Variants in CDKAL1 observed in about 807,000 individuals in gnomAD.
The protein encoded by CDKAL1 is CDKAL1 threonylcarbamoyladenosine tRNA methylthiotransferase.
Under a neutral mutation model 68.2 loss-of-function variants are expected in CDKAL1, and 32 were observed. The observed-to-expected ratio is 0.47, with a 90% confidence interval of 0.35 to 0.63. CDKAL1 has a LOEUF of 0.63. CDKAL1 is among the 30% of genes least tolerant of loss of function. The pLI is 0.00. For synonymous variants in CDKAL1, 234 were observed against 244.3 expected (o/e 0.96, Z 0.39); for missense variants, 606 against 696.7 (o/e 0.87, Z 1.47).
At chr6:21,106,487 G>T (rs762559071) in intron 12 of CDKAL1, among the ~76,000 whole-genome samples, 15 of 152,194 alleles carry the variant, frequency 9.9e-5, no homozygotes, top group Non-Finnish European at 1.6e-4. Context: ...GAGGCAAAAG[G>T]ATCACTTGGG....
intron 5 of CDKAL1, among the ~76,000 whole-genome samples, chr6:20,716,384 G>T (rs1372120512): frequency 6.6e-6 from 1 of 152,064 alleles, no homozygotes; most frequent in Non-Finnish European, 1.5e-5. Context: ...GTGAAGAGCT[G>T]GGGAATGAGA....
intron 9 of CDKAL1, among the ~76,000 whole-genome samples, chr6:20,884,493 G>A (rs1015888646): frequency 6.6e-6 from 1 of 152,102 alleles, no homozygotes; most frequent in African/African-American, 2.4e-5. Context: ...CGTTGTACTC[G>A]AATTCCCAAT....
intron 3 of CDKAL1, among the ~76,000 whole-genome samples, chr6:20,547,484 G>A (rs997934748): frequency 7.2e-5 from 11 of 152,080 alleles, no homozygotes; most frequent in Non-Finnish European, 1.3e-4. Flanking sequence ...CCCTATTTAC[G>A]CTATTATAGT....
chr6:20,930,784 G>A (rs1763408047), intron 9 of CDKAL1, among the ~76,000 whole-genome samples: 1 of 146,486 alleles, frequency 6.8e-6, no homozygotes, highest in Non-Finnish European at 1.5e-5. Flanking sequence ...TCGCTCTGTT[G>A]CCCAGGCTGG....
At chr6:21,190,849 T>C (rs1562103720) in intron 13 of CDKAL1, among the ~76,000 whole-genome samples, 1 of 152,196 alleles carries the variant, frequency 6.6e-6, no homozygotes, top group Admixed American at 6.5e-5. Flanking sequence ...TCTATTTAAA[T>C]AGTAATATTG....
chr6:20,841,627 A>C (rs547864353), intron 8 of CDKAL1, among the ~76,000 whole-genome samples: 1 of 152,332 alleles, frequency 6.6e-6, no homozygotes, highest in Non-Finnish European at 1.5e-5. Context: ...TTCAGGGTTG[A>C]ACTGGGCGTG....
chr6:21,205,668 C>T lies in CDKAL1; in HGVS notation c.1548+4394C>T, dbSNP rs535440903. Among the ~76,000 whole-genome samples, 51 of 150,124 alleles carry T rather than the reference C, an allele frequency of 3.4e-4. 1 individual carries two copies. Among genetic ancestry groups the T allele is most frequent in the African/African-American group, 1.2e-3 (47 of 40,616 alleles). On this transcript the variant is annotated intron_variant, in intron 15 of 15. Transcript: ENST00000274695. The stretch of plus-strand genomic sequence containing the variant: ...GCCGCAGCCTCCCGAGTAGCTGGGA[C>T]CACAGGAACCCGCCACCACGCCCAG...
chr6:20,999,010 G>A lies in CDKAL1; in HGVS notation c.910-1217G>A, dbSNP rs1049244385. On this transcript the variant is annotated intron_variant, in intron 10 of 15. Transcript: ENST00000274695. ...GCATGACTAACTCTTGAAGAGCTGAGAGGTAACTGGACGGAATTAGCTGGC... is the reference window on the plus strand; with the variant it reads ...GCATGACTAACTCTTGAAGAGCTGAAAGGTAACTGGACGGAATTAGCTGGC... Among the ~76,000 whole-genome samples, 3 of 152,192 alleles carry A rather than the reference G, an allele frequency of 2.0e-5. No homozygotes were observed. In the East Asian group the frequency reaches 5.8e-4, roughly 29 times the overall value.
chr6:20,910,085 T>G (rs1762400070), intron 9 of CDKAL1, among the ~76,000 whole-genome samples: 1 of 152,230 alleles, frequency 6.6e-6, no homozygotes, highest in South Asian at 2.1e-4. Flanking sequence ...ATTCTTCCTT[T>G]TACTTCTTAT....
intron 9 of CDKAL1, among the ~76,000 whole-genome samples, chr6:20,945,500 G>A (rs1203218217): frequency 6.6e-6 from 1 of 152,070 alleles, no homozygotes; most frequent in Admixed American, 6.6e-5. Flanking sequence ...TTGAGGGTGA[G>A]CCTATTTTTC....
Position 20,748,995 on chromosome 6 carries a change from G to GTATATATATA in CDKAL1, c.468+9381_468+9382insATATATATAT, listed in dbSNP as rs1352605288. On this transcript the variant is annotated intron_variant, in intron 6 of 15. Transcript: ENST00000274695. ...TGTATGTGTATATATATGTATGTGT[G>GTATATATATA]TGTATATATATATATAAAATGTATT... Among the ~76,000 whole-genome samples the GTATATATATA allele has an allele frequency of 3.1e-3, 434 of 138,124 alleles. 2 individuals are homozygous for GTATATATATA. The highest frequency in any genetic ancestry group is 0.011 in the African/African-American group (394 of 36,224). The allele number at this position is 138,124 out of a possible 152,430, so 90.6% of individuals were successfully genotyped here. A position where few individuals can be genotyped will look rare whatever the true frequency, so the allele number is the denominator to read the frequency against.
intron 4 of CDKAL1, among the ~76,000 whole-genome samples, chr6:20,570,557 C>A (rs1052291307): frequency 1.3e-5 from 2 of 152,210 alleles, no homozygotes; most frequent in African/African-American, 4.8e-5. Flanking sequence ...TCTGCCACCA[C>A]TGCCAGCTAA....
At chr6:21,213,455 T>G (rs899945322) in intron 15 of CDKAL1, among the ~76,000 whole-genome samples, 5 of 152,316 alleles carry the variant, frequency 3.3e-5, no homozygotes, top group Non-Finnish European at 7.3e-5. Context: ...TGGTCATTGG[T>G]CTTTTTAAAC....
intron 4 of CDKAL1, among the ~76,000 whole-genome samples, chr6:20,613,249 C>CTTGTTTTTTTTT (rs1766718229): frequency 1.3e-5 from 1 of 77,862 alleles, no homozygotes; most frequent in Non-Finnish European, 2.4e-5. Context: ...AAATTTCTTT[C>CTTGTTTTTTTTT]TTTTTTTTTT....
At chr6:21,020,536 T>C (rs201290) in intron 11 of CDKAL1, among the ~76,000 whole-genome samples, 16,278 of 152,116 alleles carry the variant, frequency 0.11, 976 homozygotes, top group Middle Eastern at 0.16. Flanking sequence ...GGCACTATCT[T>C]GGCTCACCAC....
chr6:21,154,514 T>C (rs973580415), intron 13 of CDKAL1, among the ~76,000 whole-genome samples: 7 of 152,224 alleles, frequency 4.6e-5, no homozygotes, highest in Admixed American at 4.6e-4. Flanking sequence ...CTTATACTTT[T>C]GCTCCTTGAG....
chr6:20,810,225 A>G (rs555952857), intron 8 of CDKAL1, among the ~76,000 whole-genome samples: 26 of 152,172 alleles, frequency 1.7e-4, no homozygotes, highest in Non-Finnish European at 3.2e-4. Flanking sequence ...AAATTATTTT[A>G]TCTGTCTTCC....
intron 13 of CDKAL1, among the ~76,000 whole-genome samples, chr6:21,196,598 G>T (rs1444130843): frequency 6.6e-6 from 1 of 152,200 alleles, no homozygotes; most frequent in Non-Finnish European, 1.5e-5. Flanking sequence ...TACTGGCATT[G>T]TATGATAGAG....
intron 10 of CDKAL1, among the ~76,000 whole-genome samples, chr6:20,989,886 C>A (rs760583010): frequency 2.0e-4 from 30 of 151,980 alleles, no homozygotes; most frequent in Non-Finnish European, 3.5e-4. Context: ...CCACCACCAC[C>A]ATCATCATTA....
Sources: gnomAD v4.1 joint callset for allele counts (sites outside exome capture counted in the v4.1 genomes callset) on GRCh38, gnomAD v4.1.1 for gene constraint, MANE v1.5 for transcripts, NCBI Gene and HGNC (gene_info 2026-07-23, HGNC 2026-07-21) for gene names.